SMARCC1: variants seen among roughly 807,000 people sequenced by gnomAD.
SMARCC1 encodes the protein SWI/SNF related BAF chromatin remodeling complex subunit C1.
In SMARCC1, 43 loss-of-function variants were observed where a neutral mutation model predicts 147.4. That is an observed-to-expected ratio of 0.29 (90% CI 0.23 to 0.38). The LOEUF is 0.38. SMARCC1 is among the 10% of genes least tolerant of loss of function. The probability of loss-of-function intolerance (pLI) is 1.00; values close to 1 mark genes in which losing one functional copy is unlikely to be tolerated. For synonymous variants in SMARCC1, 495 were observed against 484.4 expected (o/e 1.02, Z -0.29); for missense variants, 1,119 against 1,381.1 (o/e 0.81, Z 3.01).
intron 12 of SMARCC1, among the ~76,000 whole-genome samples, chr3:47,690,360 G>A (rs1212034122): frequency 6.6e-6 from 1 of 152,190 alleles, no homozygotes; most frequent in African/African-American, 2.4e-5. Context: ...GAGGAAGTGG[G>A]TAGGTGGACA....
chr3:47,735,065 T>C (rs1247943583), intron 5 of SMARCC1, among the ~76,000 whole-genome samples: 3 of 152,144 alleles, frequency 2.0e-5, no homozygotes, highest in Non-Finnish European at 4.4e-5. Flanking sequence ...TTCAATTTTT[T>C]TTTTTAAATC....
intron 19 of SMARCC1, among the ~76,000 whole-genome samples, chr3:47,662,930 G>A (rs1179762899): frequency 2.0e-5 from 3 of 150,776 alleles, no homozygotes; most frequent in East Asian, 3.9e-4. Context: ...ACAAAAATTA[G>A]CTGGGCATGG....
At chr3:47,719,709 A>G (rs1243547269) in intron 7 of SMARCC1, among the ~76,000 whole-genome samples, 3 of 152,066 alleles carry the variant, frequency 2.0e-5, no homozygotes, top group Non-Finnish European at 4.4e-5. Context: ...TCTCAAAAAA[A>G]TCTGATCAGT....
At chr3:47,648,510 C>T (rs562209735) in intron 21 of SMARCC1, among the ~76,000 whole-genome samples, 1 of 152,168 alleles carries the variant, frequency 6.6e-6, no homozygotes, top group South Asian at 2.1e-4. Flanking sequence ...TCTCTGCCTC[C>T]CAAGTAGCTG....
At chr3:47,687,846 T>C (rs985931441) in intron 13 of SMARCC1, among the ~76,000 whole-genome samples, 3 of 152,188 alleles carry the variant, frequency 2.0e-5, no homozygotes, top group African/African-American at 7.2e-5. Flanking sequence ...CACGCCAGCA[T>C]AGTAATTCCT....
At chr3:47,615,767 T>A (rs2032632949) in intron 25 of SMARCC1, among the ~76,000 whole-genome samples, 1 of 152,206 alleles carries the variant, frequency 6.6e-6, no homozygotes, top group Non-Finnish European at 1.5e-5. Context: ...CACTGCAACC[T>A]CTGCCTCCTG....
At position 47,587,654 on chromosome 3, in the gene SMARCC1, C is replaced by T. The variant is rs2032093853; in HGVS notation, c.*555G>A. 6.5e-6 allele frequency: 1 copy of T among 152,734 alleles called. No individual in the cohort carries two copies. Among genetic ancestry groups the T allele is most frequent in the Non-Finnish European group, 1.5e-5 (1 of 68,130 alleles). 9.5% of individuals were successfully genotyped at this position (152,734 alleles called of 1,614,324 possible). A position where few individuals can be genotyped will look rare whatever the true frequency, so the allele number is the denominator to read the frequency against. On this transcript the variant is annotated 3_prime_UTR_variant, in exon 28 of 28. Transcript: ENST00000254480. ...TGGCAAAAGTCTCAAACTTTACCAT[C>T]AGCACCATTCTTAGCTCAGAAAAGC... is the stretch of plus-strand genomic sequence containing the variant.
At chr3:47,738,267 T>A (rs1243384395) in intron 3 of SMARCC1, among the ~76,000 whole-genome samples, 157 bp from the exon 4 acceptor site, 1 of 152,162 alleles carries the variant, frequency 6.6e-6, no homozygotes, top group Non-Finnish European at 1.5e-5. Flanking sequence ...TAAGAATACA[T>A]AGTATCAACA....
chr3:47,755,607 C>T lies in SMARCC1; in HGVS notation c.316-9614G>A, dbSNP rs2034687006. Among the ~76,000 whole-genome samples, 3 of 151,528 alleles carry T rather than the reference C, an allele frequency of 2.0e-5. 1 individual carries two copies. The South Asian group carries it at 6.3e-4, about 32-fold the overall frequency. ...GGCACGGTGGCTCATGCCTGTAATC[C>T]CAGCACTTTGGGTGGTCAAGGCGGG... On this transcript the variant is annotated intron_variant, in intron 2 of 27. Transcript: ENST00000254480.
At chr3:47,712,387 G>C (rs1351200533) in intron 8 of SMARCC1, among the ~76,000 whole-genome samples, 1 of 151,992 alleles carries the variant, frequency 6.6e-6, no homozygotes, top group African/African-American at 2.4e-5. Context: ...TTTCCAAAGT[G>C]TGAGAAACAT....
intron 13 of SMARCC1, among the ~76,000 whole-genome samples, chr3:47,689,026 A>G (rs1264732074): frequency 1.3e-5 from 2 of 152,120 alleles, no homozygotes; most frequent in East Asian, 1.9e-4. Context: ...CCTGGGCAAC[A>G]TAAAAAACTC....
chr3:47,635,554 T>G (rs897229177), intron 23 of SMARCC1, among the ~76,000 whole-genome samples: 2 of 152,224 alleles, frequency 1.3e-5, no homozygotes, highest in Admixed American at 6.5e-5. Context: ...CTTGTTTTCC[T>G]ATCATTTTGC....
intron 5 of SMARCC1, among the ~76,000 whole-genome samples, chr3:47,730,979 T>G (rs2034367041): frequency 6.6e-6 from 1 of 152,162 alleles, no homozygotes; most frequent in African/African-American, 2.4e-5. Flanking sequence ...AGGTGGTGGT[T>G]GCTGAAGGTT....
chr3:47,740,850 CAAAAAAAAAAA>C (rs60339024), intron 3 of SMARCC1, among the ~76,000 whole-genome samples: 1 of 77,880 alleles, frequency 1.3e-5, no homozygotes, highest in Non-Finnish European at 3.0e-5. Context: ...GACTCTGACT[CAAAAAAAAAAA>C]AAAAAAAACA....
intron 21 of SMARCC1, among the ~76,000 whole-genome samples, chr3:47,650,285 TAATAATAATA>T (rs2033172702): frequency 7.3e-6 from 1 of 137,856 alleles, no homozygotes; most frequent in Non-Finnish European, 1.6e-5. Context: ...AAAATAATAA[TAATAATAATA>T]ATAATTATTA....
At position 47,745,998 on chromosome 3, in the gene SMARCC1, A is replaced by C; in HGVS notation, c.316-5T>G. On this transcript the variant is annotated splice_region_variant and splice_polypyrimidine_tract_variant and intron_variant, in intron 2 of 27. Transcript: ENST00000254480. ...GAAATCCATGAAACACTTTGCCTAA[A>C]AATGATACAAATTACACATGAGAAA... 6 of 1,552,180 alleles carry C rather than the reference A, an allele frequency of 3.9e-6. No individual in the cohort carries two copies. The highest frequency in any genetic ancestry group is 3.5e-6 in the Non-Finnish European group (4 of 1,150,262).
At chr3:47,656,057 A>T (rs2033257212) in intron 21 of SMARCC1, among the ~76,000 whole-genome samples, 1 of 152,090 alleles carries the variant, frequency 6.6e-6, no homozygotes, top group Non-Finnish European at 1.5e-5. Flanking sequence ...CTAAAAATGC[A>T]AAAATTAGCT....
chr3:47,727,145 G>A (rs1465719742), intron 6 of SMARCC1, among the ~76,000 whole-genome samples: 2 of 151,690 alleles, frequency 1.3e-5, no homozygotes, highest in African/African-American at 2.4e-5. Context: ...CCCAGGAGGC[G>A]GAGGCTGCAG....
chr3:47,677,137 C>CT (rs1358591697), intron 16 of SMARCC1, among the ~76,000 whole-genome samples: 1 of 152,194 alleles, frequency 6.6e-6, no homozygotes, highest in African/African-American at 2.4e-5. Context: ...CGCTCTGTCT[C>CT]TAAGGCTGGA....
Sources: gnomAD v4.1 joint callset for allele counts (sites outside exome capture counted in the v4.1 genomes callset) on GRCh38, gnomAD v4.1.1 for gene constraint, MANE v1.5 for transcripts, NCBI Gene and HGNC (gene_info 2026-07-23, HGNC 2026-07-21) for gene names.